HTR1B: variants seen among roughly 807,000 people sequenced by gnomAD.
HTR1B encodes 5-hydroxytryptamine receptor 1B.
A neutral mutation model predicts 25.3 loss-of-function variants in HTR1B; 12 were observed. That is an observed-to-expected ratio of 0.47 (90% CI 0.30 to 0.77). HTR1B has a LOEUF of 0.77. Among genes scored for constraint, HTR1B ranks in the 30% least tolerant of loss-of-function variants. The probability of loss-of-function intolerance (pLI) is 0.06; values close to 1 mark genes in which losing one functional copy is unlikely to be tolerated. For missense variants in HTR1B, 453 were observed against 503.0 expected, an observed-to-expected ratio of 0.90 and a Z score of 0.95; for synonymous variants, 224 against 219.1, an observed-to-expected ratio of 1.02 and a Z score of -0.20.
Position 77,462,623 on chromosome 6 carries a change from G to C in HTR1B, c.781C>G (p.Pro261Ala). ...GAGGTGACCGAGGACGTGGACCCGGGGGAGTCGGTTATCAGCTGGGCTCGG... is the reference window on the plus strand; with the variant it reads ...GAGGTGACCGAGGACGTGGACCCGGCGGAGTCGGTTATCAGCTGGGCTCGG... ...LTRAQLITDS[P>A]GSTSSVTSIN... Residue 261 changes from proline to alanine, a missense_variant, in exon 1 of 1, where the codon CCC becomes GCC. By Grantham distance (27) the Pro-to-Ala change is conservative (BLOSUM62 -1). Around this residue, in one of 3 missense-constraint regions of HTR1B, gnomAD observed 289 missense variants for 319.6 expected, o/e 0.90. Coordinates refer to ENST00000369947, the MANE Select transcript of HTR1B (RefSeq NM_000863.3). This position sits in a 1 kb window ranked among gnomAD's most constrained non-coding sequence, Gnocchi z 4.9. The C allele has an allele frequency of 6.2e-7, 1 of 1,613,138 alleles. No individual in the cohort carries two copies. Among genetic ancestry groups the C allele is most frequent in the Non-Finnish European group, 8.5e-7 (1 of 1,180,030 alleles).
Position 77,462,433 on chromosome 6 carries a change from A to G in HTR1B, c.971T>C (p.Ile324Thr), listed in dbSNP as rs1463659215. 5.0e-6 allele frequency: 8 copies of G among 1,614,072 alleles called. No individual in the cohort carries two copies. Among genetic ancestry groups the G allele is most frequent in the Non-Finnish European group, 6.8e-6 (8 of 1,180,002 alleles). Residue 324 changes from isoleucine (I) to threonine (T), a missense_variant, in exon 1 of 1, where the codon ATT becomes ACT. Physicochemically the swap from Ile to Thr is moderately conservative, Grantham distance 89 (BLOSUM62 -1). Transcript: ENST00000369947. The surrounding 1 kb of genome is among the most constrained non-coding windows in gnomAD (Gnocchi z 4.9). ...KTLGIILGAF[I>T]VCWLPFFIIS... ...GATGAAGAAGGGTAGCCAACACACAATAAAGGCTCCCAAAATGATCCCTAG... is the reference window on the plus strand; with the variant it reads ...GATGAAGAAGGGTAGCCAACACACAGTAAAGGCTCCCAAAATGATCCCTAG...
In HTR1B at chr6:77,462,113, C is replaced by T; in HGVS notation, c.*118G>A. The T allele has an allele frequency of 1.4e-6, 1 of 692,738 alleles. No homozygotes were observed. The highest frequency in any genetic ancestry group is 1.8e-5 in the South Asian group (1 of 55,548). The allele number at this position is 692,738 out of a possible 1,614,324, so 42.9% of individuals were successfully genotyped here. A position where few individuals can be genotyped will look rare whatever the true frequency, so the allele number is the denominator to read the frequency against. On this transcript the variant is annotated 3_prime_UTR_variant, in exon 1 of 1. Coordinates refer to ENST00000369947, the MANE Select transcript of HTR1B (RefSeq NM_000863.3). The surrounding 1 kb of genome is among the most constrained non-coding windows in gnomAD (Gnocchi z 4.9). ...CTTCTCAGGATCCATTGCCCTTGCC[C>T]AGGAGAGAGAGCCTCGCTGGGACCC...
Position 77,463,271 on chromosome 6 carries a change from A to T in HTR1B, c.133T>A (p.Ser45Thr), listed in dbSNP as rs139152500. ...AKDYIYQDSI[S>T]LPWKVLLVML... is the part of the protein sequence containing the mutation. ...ACCAGCAGTACTTTCCAGGGTAGGG[A>T]GATGGAGTCCTGGTAAATGTAGTCC... The change falls in exon 1 of 1, where the codon TCC (serine) becomes ACC (threonine). Residue 45 changes from serine to threonine, a missense_variant. Coordinates refer to ENST00000369947, the MANE Select transcript of HTR1B (RefSeq NM_000863.3). The T allele has an allele frequency of 1.9e-6, 3 of 1,614,038 alleles. No homozygotes were observed. The highest frequency in any genetic ancestry group is 2.5e-6 in the Non-Finnish European group (3 of 1,180,022).
In HTR1B at chr6:77,461,265, C is replaced by T; in HGVS notation, c.*966G>A. 6.6e-6 allele frequency among the ~76,000 whole-genome samples: 1 copy of T among 152,084 alleles called. No individual in the cohort carries two copies. Among genetic ancestry groups the T allele is most frequent in the Non-Finnish European group, 1.5e-5 (1 of 68,014 alleles). ...GAAACAGTATATTTCCAATACTAAT[C>T]GGTTTTACCAATTGCATTAGTAAGA... On this transcript the variant is annotated 3_prime_UTR_variant, in exon 1 of 1. Transcript: ENST00000369947.
Position 77,461,769 on chromosome 6 carries a change from C to G in HTR1B, c.*462G>C, listed in dbSNP as rs945739798. ...TTAAATTAAGCTGTAACACAAAGTT[C>G]TCCCCCCAAAAACACAGGGCATTAA... On this transcript the variant is annotated 3_prime_UTR_variant, in exon 1 of 1. Transcript: ENST00000369947. 4 of 130,482 alleles carry G rather than the reference C, an allele frequency of 3.1e-5. No individual in the cohort carries two copies. Among genetic ancestry groups the G allele is most frequent in the Admixed American group, 1.5e-4 (2 of 13,132 alleles). 8.1% of individuals were successfully genotyped at this position (130,482 alleles called of 1,614,324 possible).
Position 77,462,374 on chromosome 6 carries a change from A to T in HTR1B, c.1030T>A (p.Cys344Ser). Residue 344 changes from cysteine (C) to serine (S), a missense_variant, in exon 1 of 1, where the codon TGC becomes AGC. Coordinates refer to ENST00000369947, the MANE Select transcript of HTR1B (RefSeq NM_000863.3). This position sits in a 1 kb window ranked among gnomAD's most constrained non-coding sequence, Gnocchi z 4.9. ...SLVMPICKDA[C>S]WFHLAIFDFF... ...TCAAAGATGGCTAGGTGGAACCAGC[A>T]GGCATCTTTGCAGATAGGCATCACT... 1 of 1,614,142 alleles carries T rather than the reference A, an allele frequency of 6.2e-7. No homozygotes were observed. The highest frequency in any genetic ancestry group is 8.5e-7 in the Non-Finnish European group (1 of 1,179,988).
rs1433378949 is a variant in HTR1B, at chr6:77,460,969, CT to C, written c.*1261del. On this transcript the variant is annotated 3_prime_UTR_variant, in exon 1 of 1. Transcript: ENST00000369947. ...TCTTTTCAATATCGTTTTTAGGGCC[CT>C]TAACTGTATTTTTAAGGTTTCTGGA... 6.6e-6 allele frequency among the ~76,000 whole-genome samples: 1 copy of C among 152,070 alleles called. No individual in the cohort carries two copies. Among genetic ancestry groups the C allele is most frequent in the Non-Finnish European group, 1.5e-5 (1 of 68,012 alleles).
Position 77,462,069 on chromosome 6 carries a change from T to C in HTR1B, c.*162A>G, listed in dbSNP as rs769934603. 15 of 605,282 alleles carry C rather than the reference T, an allele frequency of 2.5e-5. No individual in the cohort carries two copies. Among genetic ancestry groups the C allele is most frequent in the Non-Finnish European group, 4.4e-5 (15 of 341,494 alleles). 37.5% of individuals were successfully genotyped at this position (605,282 alleles called of 1,614,324 possible). A position where few individuals can be genotyped will look rare whatever the true frequency, so the allele number is the denominator to read the frequency against. On this transcript the variant is annotated 3_prime_UTR_variant, in exon 1 of 1. Coordinates refer to ENST00000369947, the MANE Select transcript of HTR1B (RefSeq NM_000863.3). The surrounding 1 kb of genome is among the most constrained non-coding windows in gnomAD (Gnocchi z 4.9). ...TTCAACACTTCTCCTTTCAGAGCTC[T>C]CTCTCAGGACTATTCTGGCTTCTCA...
At position 77,462,934 on chromosome 6, in the gene HTR1B, T is replaced by C; in HGVS notation, c.470A>G (p.Tyr157Cys). 1 of 1,613,868 alleles carries C rather than the reference T, an allele frequency of 6.2e-7. No homozygotes were observed. The highest frequency in any genetic ancestry group is 1.1e-5 in the South Asian group (1 of 91,070). ...RYWAITDAVE[Y>C]SAKRTPKRAA... ...CCTCTTGGGAGTCCTTTTAGCTGAG[T>C]ACTCCACGGCGTCCGTGATGGCCCA... The change falls in exon 1 of 1, where the codon TAC (tyrosine) becomes TGC (cysteine). Residue 157 changes from tyrosine to cysteine, a missense_variant. By Grantham distance (194) the Tyr-to-Cys change is radical. This residue lies in a region of HTR1B where 289 missense variants were observed against 319.6 expected (regional missense o/e 0.90). Coordinates refer to ENST00000369947, the MANE Select transcript of HTR1B (RefSeq NM_000863.3). This position sits in a 1 kb window ranked among gnomAD's most constrained non-coding sequence, Gnocchi z 4.9.
At position 77,462,978 on chromosome 6, in the gene HTR1B, G is replaced by A; in HGVS notation, c.426C>T (p.Val142=). 6.2e-7 allele frequency: 1 copy of A among 1,614,118 alleles called. No homozygotes were observed. Among genetic ancestry groups the A allele is most frequent in the Non-Finnish European group, 8.5e-7 (1 of 1,180,054 alleles). The change falls in exon 1 of 1, where the codon GTC becomes GTT. Residue 142 remains valine (V), a synonymous_variant. Coordinates refer to ENST00000369947, the MANE Select transcript of HTR1B (RefSeq NM_000863.3). The surrounding 1 kb of genome is among the most constrained non-coding windows in gnomAD (Gnocchi z 4.9). ...TGGCCCAGTAGCGGTCCAGGGCGAT[G>A]ACACAGAGGTGCAGGATGGAGGCAG... ...CCTASILHLC[V]IALDRYWAIT... is the part of the protein sequence containing the mutation.
rs1282014227 is a variant in HTR1B, at chr6:77,462,364, T to C, written c.1040A>G (p.His347Arg). ...TGTGAAGAAGTCAAAGATGGCTAGG[T>C]GGAACCAGCAGGCATCTTTGCAGAT... ...MPICKDACWF[H>R]LAIFDFFTWL... The change falls in exon 1 of 1, where the codon CAC (histidine) becomes CGC (arginine). Residue 347 changes from histidine (H) to arginine (R), a missense_variant. His to Arg is a conservative substitution (Grantham distance 29). Transcript: ENST00000369947. The surrounding 1 kb of genome is among the most constrained non-coding windows in gnomAD (Gnocchi z 4.9). The C allele has an allele frequency of 2.5e-6, 4 of 1,613,890 alleles. No homozygotes were observed. In the African/African-American group the frequency reaches 5.3e-5, roughly 22 times the overall value.
Position 77,463,139 on chromosome 6 carries a change from C to G in HTR1B, c.265G>C (p.Ala89Pro), listed in dbSNP as rs1440474263. 6.2e-7 allele frequency: 1 copy of G among 1,614,164 alleles called. No homozygotes were observed. Residue 89 changes from alanine (A) to proline (P), a missense_variant, in exon 1 of 1, where the codon GCC (alanine) becomes CCC (proline). Physicochemically the swap from Ala to Pro is conservative, Grantham distance 27 (BLOSUM62 -1). Transcript: ENST00000369947. Reference protein sequence around the residue: ...KLHTPANYLIASLAVTDLLVS... With the variant: ...KLHTPANYLIPSLAVTDLLVS... ...AGCAGGTCGGTGACCGCCAGAGAGG[C>G]GATCAGGTAGTTAGCCGGGGTGTGC...
chr6:77,462,056 C>T lies in HTR1B; in HGVS notation c.*175G>A. On this transcript the variant is annotated 3_prime_UTR_variant, in exon 1 of 1. Transcript: ENST00000369947. This position sits in a 1 kb window ranked among gnomAD's most constrained non-coding sequence, Gnocchi z 4.9. ...CTCTACATTTAGTTTCAACACTTCT[C>T]CTTTCAGAGCTCTCTCTCAGGACTA... The T allele has an allele frequency of 1.7e-6, 1 of 593,374 alleles. No homozygotes were observed. The highest frequency in any genetic ancestry group is 2.8e-5 in the East Asian group (1 of 35,748). The allele number at this position is 593,374 out of a possible 1,614,324, so 36.8% of individuals were successfully genotyped here.
rs1460153326 is a variant in HTR1B at position 77,462,822 on chromosome 6, C to T, written c.582G>A (p.Glu194=). ...TGTTCACCACGCATTCCGACACCTC[C>T]TCTTCGGCCTTAGCCTGACGCCAGA... ...PFFWRQAKAE[E]EVSECVVNTD... Residue 194 remains glutamate (E), a synonymous_variant, in exon 1 of 1, where the codon GAG becomes GAA. Coordinates refer to ENST00000369947, the MANE Select transcript of HTR1B (RefSeq NM_000863.3). This position sits in a 1 kb window ranked among gnomAD's most constrained non-coding sequence, Gnocchi z 4.9. The T allele has an allele frequency of 6.2e-7, 1 of 1,613,936 alleles. No individual in the cohort carries two copies.
rs199687389 is a variant in HTR1B, at chr6:77,463,124, T to C, written c.280A>G (p.Thr94Ala). 1 of 1,614,178 alleles carries C rather than the reference T, an allele frequency of 6.2e-7. No homozygotes were observed. Among genetic ancestry groups the C allele is most frequent in the African/African-American group, 1.3e-5 (1 of 75,060 alleles). ...ACCAGGATGGACACAAGCAGGTCGG[T>C]GACCGCCAGAGAGGCGATCAGGTAG... ...ANYLIASLAV[T>A]DLLVSILVMP... The change falls in exon 1 of 1, where the codon ACC (threonine) becomes GCC (alanine). Residue 94 changes from threonine to alanine, a missense_variant. This residue lies in a region of HTR1B where 129 missense variants were observed against 118.3 expected (regional missense o/e 1.09). Coordinates refer to ENST00000369947, the MANE Select transcript of HTR1B (RefSeq NM_000863.3).
At position 77,462,339 on chromosome 6, in the gene HTR1B, T is replaced by C. The variant is rs767901618; in HGVS notation, c.1065A>G (p.Thr355=). 6.2e-6 allele frequency: 10 copies of C among 1,614,072 alleles called. No individual in the cohort carries two copies. The Admixed American group carries it at 6.7e-5, about 11-fold the overall frequency. The change falls in exon 1 of 1, where the codon ACA becomes ACG. Residue 355 remains threonine (T), a synonymous_variant. Transcript: ENST00000369947. This position sits in a 1 kb window ranked among gnomAD's most constrained non-coding sequence, Gnocchi z 4.9. ...TGAGGGAGTTGAGATAGCCCAGCCATGTGAAGAAGTCAAAGATGGCTAGGT... is the reference window on the plus strand; with the variant it reads ...TGAGGGAGTTGAGATAGCCCAGCCACGTGAAGAAGTCAAAGATGGCTAGGT... The part of the protein sequence containing the change: ...WFHLAIFDFF[T]WLGYLNSLIN...
chr6:77,461,512 T>C lies in HTR1B; in HGVS notation c.*719A>G, dbSNP rs773615500. ...TGCAGAAAACAAACAATCATAGGTG[T>C]TGATTCTCAGTTTAACACTCCTCAT... On this transcript the variant is annotated 3_prime_UTR_variant, in exon 1 of 1. Coordinates refer to ENST00000369947, the MANE Select transcript of HTR1B (RefSeq NM_000863.3). Among the ~76,000 whole-genome samples the C allele has an allele frequency of 1.6e-4, 24 of 152,174 alleles. No homozygotes were observed. The highest frequency in any genetic ancestry group is 2.8e-4 in the Non-Finnish European group (19 of 68,030).
Position 77,462,370 on chromosome 6 carries a change from C to G in HTR1B, c.1034G>C (p.Trp345Ser), listed in dbSNP as rs778841075. The G allele has an allele frequency of 1.9e-6, 3 of 1,613,926 alleles. No individual in the cohort carries two copies. The highest frequency in any genetic ancestry group is 2.5e-6 in the Non-Finnish European group (3 of 1,179,954). The stretch of plus-strand genomic sequence containing the variant: ...GAAGTCAAAGATGGCTAGGTGGAAC[C>G]AGCAGGCATCTTTGCAGATAGGCAT... ...LVMPICKDAC[W>S]FHLAIFDFFT... is the part of the protein sequence containing the mutation. Residue 345 changes from tryptophan (W) to serine (S), a missense_variant, in exon 1 of 1, where the codon TGG (tryptophan) becomes TCG (serine). Physicochemically the swap from Trp to Ser is radical, Grantham distance 177. This residue lies in a region of HTR1B where 289 missense variants were observed against 319.6 expected (regional missense o/e 0.90). Coordinates refer to ENST00000369947, the MANE Select transcript of HTR1B (RefSeq NM_000863.3). This position sits in a 1 kb window ranked among gnomAD's most constrained non-coding sequence, Gnocchi z 4.9.
rs556543769 is a variant in HTR1B, at chr6:77,462,420, T to A, written c.984A>T (p.Leu328=). 1.2e-6 allele frequency: 2 copies of A among 1,613,780 alleles called. No homozygotes were observed. The highest frequency in any genetic ancestry group is 4.5e-5 in the East Asian group (2 of 44,844). ...IILGAFIVCW[L]PFFIISLVMP... is the part of the protein sequence containing the mutation. Reference sequence around the variant, plus strand: ...TCACTAGGGAGATGATGAAGAAGGGTAGCCAACACACAATAAAGGCTCCCA... The same window carrying A: ...TCACTAGGGAGATGATGAAGAAGGGAAGCCAACACACAATAAAGGCTCCCA... Residue 328 remains leucine, a synonymous_variant, in exon 1 of 1, where the codon CTA becomes CTT. Coordinates refer to ENST00000369947, the MANE Select transcript of HTR1B (RefSeq NM_000863.3). This position sits in a 1 kb window ranked among gnomAD's most constrained non-coding sequence, Gnocchi z 4.9.
Sources: allele counts gnomAD v4.1 joint callset (sites outside exome capture counted in the v4.1 genomes callset), GRCh38; gene constraint gnomAD v4.1.1; regional missense constraint gnomAD v4.1.1; non-coding constraint Gnocchi (gnomAD v3.1); transcripts MANE v1.5; gene names NCBI Gene and HGNC (gene_info 2026-07-23, HGNC 2026-07-21).